NAV3: variants seen among roughly 807,000 people sequenced by gnomAD.
The protein encoded by NAV3 is pore membrane and/or filament interacting like protein 1.
A neutral mutation model predicts 244.7 loss-of-function variants in NAV3; 87 were observed. That is an observed-to-expected ratio of 0.36 (90% CI 0.30 to 0.42). The LOEUF is 0.42. NAV3 is among the 20% of genes least tolerant of loss of function. The pLI is 1.00. For missense variants in NAV3, 2,663 were observed against 2,893.3 expected (o/e 0.92, Z 1.83); for synonymous variants, 1,126 against 1,042.2 (o/e 1.08, Z -1.55).
intron 1 of NAV3, among the ~76,000 whole-genome samples, chr12:77,925,388 C>A (rs1888096951): frequency 6.6e-6 from 1 of 152,100 alleles, no homozygotes; most frequent in Non-Finnish European, 1.5e-5. Context: ...AGTGAGCAGT[C>A]TGCATGTTTT....
intron 2 of NAV3, among the ~76,000 whole-genome samples, chr12:77,628,744 A>C (rs1871748653): frequency 6.6e-6 from 1 of 151,722 alleles, no homozygotes; most frequent in Non-Finnish European, 1.5e-5. Context: ...ACAAAAAATT[A>C]GCCGGGCACG....
Position 77,747,711 on chromosome 12 carries a change from T to G in NAV3, c.72+175445T>G, listed in dbSNP as rs186908805. 5.6e-3 allele frequency among the ~76,000 whole-genome samples: 852 copies of G among 152,240 alleles called. 6 individuals are homozygous for G. Among genetic ancestry groups the G allele is most frequent in the Non-Finnish European group, 6.9e-3 (471 of 68,028 alleles). On this transcript the variant is annotated intron_variant, in intron 2 of 8. Coordinates refer to the NAV3 transcript ENST00000550042. Reference sequence around the variant, plus strand: ...TGGAATACTAAGCAGCCATAAAAAATGATGAGTTCATGTCCTTTGTGGGGA... The same window carrying G: ...TGGAATACTAAGCAGCCATAAAAAAGGATGAGTTCATGTCCTTTGTGGGGA...
chr12:77,604,093 G>A (rs567557682), intron 2 of NAV3, among the ~76,000 whole-genome samples: 1 of 152,026 alleles, frequency 6.6e-6, no homozygotes, highest in Non-Finnish European at 1.5e-5. Flanking sequence ...AGAGTGACAG[G>A]CTGCAAAGAG....
intron 3 of NAV3, among the ~76,000 whole-genome samples, chr12:77,965,544 G>A (rs181295266): frequency 1.1e-3 from 169 of 152,180 alleles, no homozygotes; most frequent in African/African-American, 3.7e-3. Context: ...GCTTGAACCC[G>A]AGAGAGGGAG....
intron 2 of NAV3, among the ~76,000 whole-genome samples, chr12:77,739,286 C>A (rs935076755): frequency 1.3e-5 from 2 of 151,982 alleles, no homozygotes; most frequent in Admixed American, 1.3e-4. Flanking sequence ...TGATAAACTG[C>A]AACATTAGTT....
intron 18 of NAV3, among the ~76,000 whole-genome samples, chr12:78,136,720 A>G (rs1593738656): frequency 6.6e-6 from 1 of 152,160 alleles, no homozygotes; most frequent in East Asian, 1.9e-4. Context: ...GCTTGAAGTG[A>G]CTGAGAGTAT....
At chr12:78,013,626 A>G (rs1429000717) in intron 8 of NAV3, among the ~76,000 whole-genome samples, 1 of 152,112 alleles carries the variant, frequency 6.6e-6, no homozygotes, top group African/African-American at 2.4e-5. Flanking sequence ...TTATGTATGT[A>G]TATGTGTGTG....
rs1960855343 is a variant in NAV3 at position 78,211,191 on chromosome 12, C to T, written c.*674C>T. 1 of 152,646 alleles carries T rather than the reference C, an allele frequency of 6.6e-6. No homozygotes were observed. The highest frequency in any genetic ancestry group is 1.5e-5 in the Non-Finnish European group (1 of 68,058). The allele number at this position is 152,646 out of a possible 1,614,324, so 9.5% of individuals were successfully genotyped here. On this transcript the variant is annotated 3_prime_UTR_variant, in exon 40 of 40. Transcript: ENST00000397909. ...TGGTTTTATAAGGTTGTTTTTACCA[C>T]AGTGGTCTTTTTAAACCACCTGCCC... is the stretch of plus-strand genomic sequence containing the variant.
intron 2 of NAV3, among the ~76,000 whole-genome samples, chr12:77,590,504 G>GTTA (rs1869855759): frequency 6.6e-6 from 1 of 152,104 alleles, no homozygotes; most frequent in Admixed American, 6.6e-5. Context: ...ACACACTGGG[G>GTTA]TTATCAGAGG....
chr12:77,810,637 T>C (rs977247136), intron 2 of NAV3, among the ~76,000 whole-genome samples: 9 of 152,294 alleles, frequency 5.9e-5, no homozygotes, highest in Non-Finnish European at 1.2e-4. Context: ...GAATTTTCTT[T>C]CTAGGATTAG....
At chr12:77,836,309 C>T (rs1874623167) in intron 1 of NAV3, among the ~76,000 whole-genome samples, 1 of 152,166 alleles carries the variant, frequency 6.6e-6, no homozygotes, top group Admixed American at 6.5e-5. Flanking sequence ...ATCTCAATCC[C>T]CAGTCTCCTT....
chr12:77,582,758 GC>G (rs1869424844), intron 2 of NAV3, among the ~76,000 whole-genome samples: 1 of 152,156 alleles, frequency 6.6e-6, no homozygotes. Context: ...CTGTAGTGAA[GC>G]AGGATGTTCT....
intron 2 of NAV3, among the ~76,000 whole-genome samples, chr12:77,573,800 C>T (rs1868947833): frequency 6.6e-6 from 1 of 152,098 alleles, no homozygotes; most frequent in South Asian, 2.1e-4. Context: ...GGAGATGCTG[C>T]TTTTATGACA....
At chr12:77,718,324 A>G (rs1349079625) in intron 2 of NAV3, among the ~76,000 whole-genome samples, 2 of 152,088 alleles carry the variant, frequency 1.3e-5, no homozygotes, top group Non-Finnish European at 2.9e-5. Context: ...CATTTGTTTA[A>G]GAGACTGTTG....
At chr12:78,136,972 G>T (rs955206145) in intron 18 of NAV3, among the ~76,000 whole-genome samples, 1 of 152,028 alleles carries the variant, frequency 6.6e-6, no homozygotes, top group Admixed American at 6.6e-5. Flanking sequence ...TTGATGTAAG[G>T]CTTCCCATAA....
At chr12:77,902,257 T>C (rs892940527) in intron 1 of NAV3, among the ~76,000 whole-genome samples, 2 of 152,346 alleles carry the variant, frequency 1.3e-5, no homozygotes, top group African/African-American at 4.8e-5. Flanking sequence ...CTGTGAATTG[T>C]TCAGTTCCAT....
rs116339048 is a variant in NAV3, at chr12:78,211,979, G to A, written c.*1462G>A. On this transcript the variant is annotated 3_prime_UTR_variant, in exon 40 of 40. Transcript: ENST00000397909. ...TATTTTATCCTGTTGGTGTTAAGAG[G>A]TGTTTCACTTGCTGAGATTTCCTGT... 1 of 152,672 alleles carries A rather than the reference G, an allele frequency of 6.5e-6. No individual in the cohort carries two copies. The highest frequency in any genetic ancestry group is 2.4e-5 in the African/African-American group (1 of 41,532). 9.5% of individuals were successfully genotyped at this position (152,672 alleles called of 1,614,324 possible). A position where few individuals can be genotyped will look rare whatever the true frequency, so the allele number is the denominator to read the frequency against.
At chr12:77,840,112 G>A (rs2136156246) in intron 1 of NAV3, among the ~76,000 whole-genome samples, 1 of 152,020 alleles carries the variant, frequency 6.6e-6, no homozygotes, top group South Asian at 2.1e-4. Flanking sequence ...ATTTGATTTA[G>A]TCAAGTAAAT....
chr12:78,081,369 C>T lies in NAV3; in HGVS notation c.2636+22254C>T, dbSNP rs940157225. On this transcript the variant is annotated intron_variant, in intron 12 of 39. Transcript: ENST00000397909. ...AGTACCGTAAAGCTCATGGAGAGCC[C>T]GGTGAAGGCTGAGTATAGATGAAGG... Among the ~76,000 whole-genome samples the T allele has an allele frequency of 7.9e-5, 12 of 152,030 alleles. No individual in the cohort carries two copies. In the East Asian group the frequency reaches 9.6e-4, roughly 12 times the overall value.
Sources: allele counts gnomAD v4.1 joint callset (sites outside exome capture counted in the v4.1 genomes callset), GRCh38; gene constraint gnomAD v4.1.1; transcripts MANE v1.5; gene names NCBI Gene and HGNC (gene_info 2026-07-23, HGNC 2026-07-21).